The following POLR3B variants were observed in gnomAD, a reference collection of about 807,000 sequenced individuals.
The protein encoded by POLR3B is RNA polymerase III subunit B.
Under a neutral mutation model 147.4 loss-of-function variants are expected in POLR3B, and 96 were observed. That is an observed-to-expected ratio of 0.65 (90% CI 0.55 to 0.77). The LOEUF (loss-of-function observed/expected upper bound fraction) is 0.77, where lower values mean the gene tolerates loss of function less well. Ranked by LOEUF, POLR3B falls within the 30% of genes least tolerant of loss-of-function variation. The pLI is 0.00. For synonymous variants in POLR3B, 461 were observed against 485.9 expected, an observed-to-expected ratio of 0.95 and a Z score of 0.67; for missense variants, 1,036 against 1,413.5, an observed-to-expected ratio of 0.73 and a Z score of 4.28.
chr12:106,502,299 A>G (rs1180129218), intron 26 of POLR3B, among the ~76,000 whole-genome samples: 1 of 152,114 alleles, frequency 6.6e-6, no homozygotes, highest in Non-Finnish European at 1.5e-5. Context: ...GAGGGAACCC[A>G]GGCCTTGGAG....
chr12:106,435,788 TCTAGGTTACTCTTTTTTA>T (rs1293419012), intron 16 of POLR3B, among the ~76,000 whole-genome samples: 1 of 152,204 alleles, frequency 6.6e-6, no homozygotes, highest in East Asian at 1.9e-4. Flanking sequence ...AGTGACATTT[TCTAGGTTACTCTTTTTTA>T]GGATTTCATT....
intron 23 of POLR3B, among the ~76,000 whole-genome samples, chr12:106,493,374 G>T (rs947435204): frequency 1.3e-5 from 2 of 152,180 alleles, no homozygotes; most frequent in East Asian, 1.9e-4. Flanking sequence ...TTAAGGATTT[G>T]AATAATTCTG....
At chr12:106,444,931 C>A (rs2037701826) in intron 19 of POLR3B, among the ~76,000 whole-genome samples, 1 of 151,902 alleles carries the variant, frequency 6.6e-6, no homozygotes, top group African/African-American at 2.4e-5. Context: ...GGAGAAAGGG[C>A]AGAAAAACTC....
chr12:106,436,809 T>G (rs901564424), intron 16 of POLR3B, among the ~76,000 whole-genome samples: 5 of 152,200 alleles, frequency 3.3e-5, no homozygotes, highest in African/African-American at 1.2e-4. Flanking sequence ...GCACTGTGTG[T>G]GTGCATGAAT....
chr12:106,496,902 A>G lies in POLR3B; in HGVS notation c.2968A>G (p.Thr990Ala), dbSNP rs372036820. The stretch of plus-strand genomic sequence containing the variant: ...TAACTACTTGGGGAAAGACTATGTT[A>G]CATCCGGCATCACAGGGTAAGCATG... ...GYNYLGKDYV[T>A]SGITGEPLEA... Residue 990 changes from threonine (T) to alanine (A), a missense_variant, in exon 25 of 28, where the codon ACA (threonine) becomes GCA (alanine). Around this residue, in one of 12 missense-constraint regions of POLR3B, gnomAD observed 88 missense variants for 87.5 expected, o/e 1.01. Transcript: ENST00000228347. 6.2e-6 allele frequency: 10 copies of G among 1,614,060 alleles called. No individual in the cohort carries two copies. The highest frequency in any genetic ancestry group is 7.6e-6 in the Non-Finnish European group (9 of 1,179,990).
intron 12 of POLR3B, among the ~76,000 whole-genome samples, chr12:106,415,089 A>G (rs1270071110): frequency 1.3e-5 from 2 of 152,116 alleles, no homozygotes; most frequent in Non-Finnish European, 2.9e-5. Context: ...TATATCTCTA[A>G]TTTACTTCCA....
chr12:106,457,278 G>A lies in POLR3B; in HGVS notation c.2434G>A (p.Asp812Asn). ...PIWRHEILDA[D>N]GICSPGEKVE... ...CTGGCGACATGAAATCTTAGATGCA[G>A]ATGGTATTTGTTCTCCAGGTAAAAG... is the stretch of plus-strand genomic sequence containing the variant. The change falls in exon 21 of 28, where the codon GAT becomes AAT. Residue 812 changes from aspartate to asparagine, a missense_variant. This residue lies in a region of POLR3B where 202 missense variants were observed against 272.8 expected (regional missense o/e 0.74). Coordinates refer to ENST00000228347, the MANE Select transcript of POLR3B (RefSeq NM_018082.6). The A allele has an allele frequency of 6.8e-6, 11 of 1,613,700 alleles. No individual in the cohort carries two copies. The highest frequency in any genetic ancestry group is 9.3e-6 in the Non-Finnish European group (11 of 1,179,642).
intron 23 of POLR3B, among the ~76,000 whole-genome samples, chr12:106,469,545 C>T (rs1423496921): frequency 2.6e-5 from 4 of 151,746 alleles, no homozygotes; most frequent in Admixed American, 6.6e-5. Flanking sequence ...TTCATAGCAT[C>T]GATGGTCTTT....
intron 23 of POLR3B, among the ~76,000 whole-genome samples, chr12:106,485,048 T>C (rs2038319336): frequency 6.6e-6 from 1 of 152,190 alleles, no homozygotes; most frequent in African/African-American, 2.4e-5. Context: ...GGTGGGTGTC[T>C]TGGTCCATTT....
chr12:106,387,804 C>G (rs1362681730), intron 9 of POLR3B, among the ~76,000 whole-genome samples: 2 of 152,124 alleles, frequency 1.3e-5, no homozygotes, highest in African/African-American at 4.8e-5. Context: ...AATAACTCAT[C>G]TATTAAGGTG....
In POLR3B at chr12:106,429,773, A is replaced by G. The variant is rs374444763; in HGVS notation, c.1264-500A>G. Among the ~76,000 whole-genome samples the G allele has an allele frequency of 2.6e-5, 4 of 152,312 alleles. No individual in the cohort carries two copies. The South Asian group carries it at 6.2e-4, about 24-fold the overall frequency. On this transcript the variant is annotated intron_variant, in intron 13 of 27. Transcript: ENST00000228347. ...CTTCAGTTTGTTCATTATCCTAAGT[A>G]AATGATATCTGAGTTATTTTTCTGT...
At chr12:106,379,901 T>A in intron 8 of POLR3B, 130 bp from the exon 9 acceptor site, 1 of 690,838 alleles carries the variant, frequency 1.4e-6, no homozygotes, top group Non-Finnish European at 2.7e-6. Flanking sequence ...TTAAAGTACT[T>A]ATTAGAAAGG....
chr12:106,485,121 T>C (rs1340917415), intron 23 of POLR3B, among the ~76,000 whole-genome samples: 1 of 152,210 alleles, frequency 6.6e-6, no homozygotes, highest in Non-Finnish European at 1.5e-5. Flanking sequence ...TTTATTTGGC[T>C]TATGGTTCTA....
intron 10 of POLR3B, among the ~76,000 whole-genome samples, chr12:106,400,295 A>G (rs139989008): frequency 0.027 from 4,046 of 152,286 alleles, 170 homozygotes; most frequent in African/African-American, 0.093. Context: ...TATCCTAAAT[A>G]TATATGCACC....
At chr12:106,481,601 CTTT>C in intron 23 of POLR3B, among the ~76,000 whole-genome samples, 1 of 152,314 alleles carries the variant, frequency 6.6e-6, no homozygotes, top group East Asian at 1.9e-4. Flanking sequence ...TCTTTCCTCT[CTTT>C]ATCAGCTTTC....
chr12:106,496,341 A>G (rs1224902552), intron 24 of POLR3B, 183 bp downstream of exon 24: 1 of 692,490 alleles, frequency 1.4e-6, no homozygotes, highest in Non-Finnish European at 2.6e-6. Flanking sequence ...CCCTCTACAT[A>G]AAGAATGAGG....
chr12:106,497,055 C>T (rs539027603), intron 25 of POLR3B, 137 bp downstream of exon 25: 14 of 807,720 alleles, frequency 1.7e-5, no homozygotes, highest in African/African-American at 1.2e-4. Flanking sequence ...TGGCCCAGGA[C>T]GGCTTCGAAT....
intron 10 of POLR3B, among the ~76,000 whole-genome samples, chr12:106,393,991 C>G (rs528532550): frequency 4.6e-5 from 7 of 152,214 alleles, no homozygotes; most frequent in African/African-American, 1.4e-4. Context: ...CTTACCTATC[C>G]ACGTGTACAT....
intron 12 of POLR3B, among the ~76,000 whole-genome samples, chr12:106,418,096 G>A (rs2037330443): frequency 6.6e-6 from 1 of 152,156 alleles, no homozygotes; most frequent in African/African-American, 2.4e-5. Context: ...CTGGCCAAGC[G>A]GGTTCACAGA....
Sources: gnomAD v4.1 joint callset for allele counts (sites outside exome capture counted in the v4.1 genomes callset) on GRCh38, gnomAD v4.1.1 for gene constraint, gnomAD v4.1.1 regional missense constraint, MANE v1.5 for transcripts, NCBI Gene and HGNC (gene_info 2026-07-23, HGNC 2026-07-21) for gene names.